RHOBTB1: variants seen among roughly 807,000 people sequenced by gnomAD.
RHOBTB1 encodes the protein rho-related BTB domain-containing protein 1.
A neutral mutation model predicts 71.6 loss-of-function variants in RHOBTB1; 40 were observed. The observed-to-expected ratio is 0.56, with a 90% confidence interval of 0.43 to 0.73. RHOBTB1 has a LOEUF of 0.73. Among genes scored for constraint, RHOBTB1 ranks in the 30% least tolerant of loss-of-function variants. The probability of loss-of-function intolerance (pLI) is 0.00; values close to 1 mark genes in which losing one functional copy is unlikely to be tolerated. For missense variants in RHOBTB1, 797 were observed against 894.0 expected (o/e 0.89, Z 1.38); for synonymous variants, 319 against 334.9 (o/e 0.95, Z 0.52).
chr10:60,879,214 C>T (rs903013758), intron 7 of RHOBTB1, among the ~76,000 whole-genome samples: 6 of 152,122 alleles, frequency 3.9e-5, no homozygotes, highest in Non-Finnish European at 4.4e-5. Flanking sequence ...AATTTCTCTG[C>T]GGTGCTGGAA....
At chr10:60,889,921 C>T (rs1162878354) in intron 5 of RHOBTB1, among the ~76,000 whole-genome samples, 1 of 152,164 alleles carries the variant, frequency 6.6e-6, no homozygotes, top group Non-Finnish European at 1.5e-5. Context: ...CTCTTCATCA[C>T]CTTCACCTTT....
the RHOBTB1 span, among the ~76,000 whole-genome samples, chr10:60,864,173 C>T: frequency 2.6e-5 from 4 of 152,286 alleles, no homozygotes; most frequent in East Asian, 5.8e-4. Context: ...CATGGAAGGG[C>T]ATTTCTTAAG....
At chr10:60,987,801 G>A (rs1277964179) in intron 1 of RHOBTB1, among the ~76,000 whole-genome samples, 8 of 151,184 alleles carry the variant, frequency 5.3e-5, no homozygotes, top group Admixed American at 2.0e-4. Flanking sequence ...AACCTTTGCA[G>A]ACATTCTAAA....
chr10:60,959,570 GAAAC>G (rs759034678), intron 2 of RHOBTB1, among the ~76,000 whole-genome samples: 8 of 152,088 alleles, frequency 5.3e-5, no homozygotes, highest in African/African-American at 9.7e-5. Flanking sequence ...AAACAAAAAT[GAAAC>G]AAACAAACAA....
chr10:60,917,129 C>T (rs1320929828), intron 2 of RHOBTB1, among the ~76,000 whole-genome samples: 1 of 152,202 alleles, frequency 6.6e-6, no homozygotes, highest in East Asian at 1.9e-4. Flanking sequence ...TTTTATGCTA[C>T]TAAGTTTTGA....
At chr10:60,876,158 A>G (rs1344585865) in intron 8 of RHOBTB1, among the ~76,000 whole-genome samples, 1 of 152,238 alleles carries the variant, frequency 6.6e-6, no homozygotes, top group Non-Finnish European at 1.5e-5. Flanking sequence ...AGTAACTGCA[A>G]CATTTCCTGA....
chr10:60,993,860 A>G lies in RHOBTB1; in HGVS notation c.-163+7539T>C, dbSNP rs1166575924. Among the ~76,000 whole-genome samples, 4 of 152,154 alleles carry G rather than the reference A, an allele frequency of 2.6e-5. No individual in the cohort carries two copies. The East Asian group carries it at 7.7e-4, about 29-fold the overall frequency. The stretch of plus-strand genomic sequence containing the variant: ...TAAAAATATGAGCATTAAAATTTAT[A>G]ATTCTTTTGTAGTAATTAATTTTTT... On this transcript the variant is annotated intron_variant, in intron 1 of 11. Coordinates refer to the RHOBTB1 transcript ENST00000357917.
intron 7 of RHOBTB1, among the ~76,000 whole-genome samples, chr10:60,884,913 A>AT (rs955171355): frequency 9.2e-5 from 14 of 151,388 alleles, no homozygotes; most frequent in South Asian, 2.1e-4. Flanking sequence ...TCTAGTGTAC[A>AT]TTTTTTTTGT....
At chr10:60,926,419 CA>C (rs912904445) in intron 2 of RHOBTB1, among the ~76,000 whole-genome samples, 1 of 152,134 alleles carries the variant, frequency 6.6e-6, no homozygotes, top group Non-Finnish European at 1.5e-5. Context: ...CAGACAAAGA[CA>C]CAACAAAGAA....
At chr10:60,960,075 A>G (rs1026956948) in intron 2 of RHOBTB1, among the ~76,000 whole-genome samples, 3 of 152,200 alleles carry the variant, frequency 2.0e-5, no homozygotes, top group Non-Finnish European at 2.9e-5. Flanking sequence ...AATTCTGTGT[A>G]TCCTGCCTAT....
chr10:60,902,982 G>A (rs1490488781), intron 4 of RHOBTB1, among the ~76,000 whole-genome samples: 1 of 152,124 alleles, frequency 6.6e-6, no homozygotes, highest in Non-Finnish European at 1.5e-5. Context: ...ATAGGATAAG[G>A]GGAATGGGAG....
chr10:60,911,142 T>C, intron 3 of RHOBTB1, 152 bp from the exon 4 acceptor site: 1 of 754,882 alleles, frequency 1.3e-6, no homozygotes, highest in Non-Finnish European at 2.2e-6. Context: ...CTTAATTCCC[T>C]TCCTGGAATC....
chr10:60,862,436 G>A, the RHOBTB1 span, among the ~76,000 whole-genome samples: 67 of 150,080 alleles, frequency 4.5e-4, no homozygotes, highest in Middle Eastern at 3.4e-3. Context: ...GACCTCAGGT[G>A]ATCCGCCTAC....
intron 9 of RHOBTB1, 47 bp downstream of exon 9, chr10:60,874,907 G>T: frequency 1.6e-6 from 2 of 1,252,472 alleles, no homozygotes; most frequent in South Asian, 1.2e-5. Context: ...AGCATTAAAT[G>T]AACTGATTGA....
At position 60,886,766 on chromosome 10, in the gene RHOBTB1, G is replaced by A. The variant is rs377334453; in HGVS notation, c.1457-536C>T. On this transcript the variant is annotated intron_variant, in intron 6 of 10. Transcript: ENST00000337910. ...TTGTCCAGGCTGGATTTAAACTGCC[G>A]GGTTCCAGCAATCCTACTGTCTCAG... Among the ~76,000 whole-genome samples the A allele has an allele frequency of 9.2e-4, 139 of 151,740 alleles. 4 individuals are homozygous for A. The South Asian group carries it at 0.028, about 31-fold the overall frequency.
intron 1 of RHOBTB1, among the ~76,000 whole-genome samples, chr10:60,999,205 G>A (rs1189023603): frequency 1.3e-5 from 2 of 152,164 alleles, no homozygotes; most frequent in Non-Finnish European, 1.5e-5. Flanking sequence ...TAGAATACTG[G>A]AATGGAGCCT....
intron 2 of RHOBTB1, among the ~76,000 whole-genome samples, chr10:60,929,312 A>G (rs2084088353): frequency 6.6e-6 from 1 of 152,196 alleles, no homozygotes; most frequent in African/African-American, 2.4e-5. Context: ...ATAATTGAAA[A>G]TGAAAAATTA....
intron 1 of RHOBTB1, among the ~76,000 whole-genome samples, chr10:60,998,957 G>A (rs1014961900): frequency 6.6e-6 from 1 of 152,186 alleles, no homozygotes; most frequent in Admixed American, 6.5e-5. Flanking sequence ...GCTTCTTTGA[G>A]CCTCAGTTTT....
At chr10:60,866,303 A>AC (rs1243528388), downstream of RHOBTB1, among the ~76,000 whole-genome samples, 2 of 152,244 alleles carry the variant, frequency 1.3e-5, no homozygotes, top group African/African-American at 4.8e-5. Context: ...CTAGATGCAC[A>AC]CATTGTAAAA....
Sources: allele counts gnomAD v4.1 joint callset (sites outside exome capture counted in the v4.1 genomes callset), GRCh38; gene constraint gnomAD v4.1.1; transcripts MANE v1.5; gene names NCBI Gene and HGNC (gene_info 2026-07-23, HGNC 2026-07-21).